Variants in GLI2 observed in about 807,000 individuals in gnomAD.
The protein encoded by GLI2 is transcription activator GLI2.
GLI2 carries 22 observed loss-of-function variants against 78.9 expected under a neutral mutation model. The ratio of observed to expected loss-of-function variants is 0.28; its 90% confidence interval spans 0.20 to 0.40. GLI2 has a LOEUF of 0.40. Ranked by LOEUF, GLI2 falls within the 10% of genes least tolerant of loss-of-function variation. The pLI is 1.00. For synonymous variants in GLI2, 974 were observed against 963.7 expected (o/e 1.01, Z -0.20); for missense variants, 2,097 against 2,213.2 (o/e 0.95, Z 1.05).
In GLI2 at chr2:120,992,585, T is replaced by C. The variant is rs565898553; in HGVS notation, c.*1910T>C. ...TGGTGCATTCGAGCAGAAATTAGGC[T>C]GTATTTTTTCTTAACAGTGTCAAAA... is the stretch of plus-strand genomic sequence containing the variant. On this transcript the variant is annotated 3_prime_UTR_variant, in exon 14 of 14. Coordinates refer to ENST00000361492, the MANE Select transcript of GLI2 (RefSeq NM_001374353.1). 6.6e-6 allele frequency: 1 copy of C among 152,364 alleles called. No homozygotes were observed. Among genetic ancestry groups the C allele is most frequent in the African/African-American group, 2.4e-5 (1 of 41,590 alleles). 9.4% of individuals were successfully genotyped at this position (152,364 alleles called of 1,614,324 possible).
intron 13 of GLI2, among the ~76,000 whole-genome samples, 156 bp from the exon 14 acceptor site, chr2:120,988,052 T>TA (rs1251686848): frequency 1.3e-5 from 2 of 152,134 alleles, no homozygotes; most frequent in Admixed American, 6.5e-5. Context: ...ATCCTGTCTC[T>TA]AAAAAGAGAA....
At chr2:120,846,195 C>T (rs1229189250) in intron 2 of GLI2, among the ~76,000 whole-genome samples, 1 of 152,192 alleles carries the variant, frequency 6.6e-6, no homozygotes, top group Non-Finnish European at 1.5e-5. Flanking sequence ...TCAAAGCCAC[C>T]CAATTGGGGT....
chr2:120,902,802 A>C (rs991627280), intron 2 of GLI2, among the ~76,000 whole-genome samples: 9 of 152,208 alleles, frequency 5.9e-5, no homozygotes, highest in African/African-American at 2.2e-4. Flanking sequence ...GCATGCATGC[A>C]TTTCAAAGGA....
At chr2:120,898,457 G>C (rs1678088364) in intron 2 of GLI2, among the ~76,000 whole-genome samples, 1 of 152,158 alleles carries the variant, frequency 6.6e-6, no homozygotes, top group Non-Finnish European at 1.5e-5. Context: ...GATTCGCACT[G>C]AATTGGGGTG....
At chr2:120,936,252 T>A (rs1267383037) in intron 3 of GLI2, among the ~76,000 whole-genome samples, 5 of 152,134 alleles carry the variant, frequency 3.3e-5, no homozygotes, top group Non-Finnish European at 5.9e-5. Flanking sequence ...CATGTGAAAC[T>A]GTTGTGAGGA....
chr2:120,776,747 GC>G (rs1683687192), intron 1 of GLI2, among the ~76,000 whole-genome samples: 1 of 152,232 alleles, frequency 6.6e-6, no homozygotes. Context: ...GAGGCCTGGG[GC>G]TGAGCCGGGG....
At chr2:120,770,788 G>A (rs1683498972) in intron 1 of GLI2, among the ~76,000 whole-genome samples, 1 of 152,172 alleles carries the variant, frequency 6.6e-6, no homozygotes, top group African/African-American at 2.4e-5. Context: ...CCTGTTGGGT[G>A]TTCTCAAACT....
intron 1 of GLI2, among the ~76,000 whole-genome samples, chr2:120,785,023 AACGTCGAGC>A: frequency 6.6e-6 from 1 of 152,136 alleles, no homozygotes; most frequent in African/African-American, 2.4e-5. Flanking sequence ...CCAAATAAAG[AACGTCGAGC>A]TTGTCTCAAG....
chr2:120,767,102 C>G (rs116479245), intron 1 of GLI2, among the ~76,000 whole-genome samples: 3,881 of 152,322 alleles, frequency 0.025, 82 homozygotes, highest in Non-Finnish European at 0.04. Flanking sequence ...AGACATACAG[C>G]AGGCTCTAAC....
At chr2:120,806,979 AG>A (rs1684986531) in intron 2 of GLI2, among the ~76,000 whole-genome samples, 1 of 152,206 alleles carries the variant, frequency 6.6e-6, no homozygotes, top group Admixed American at 6.5e-5. Context: ...GCAGTGATCC[AG>A]GAAAACATTA....
intron 2 of GLI2, among the ~76,000 whole-genome samples, chr2:120,904,979 A>G (rs1678449312): frequency 6.6e-6 from 1 of 152,198 alleles, no homozygotes; most frequent in Admixed American, 6.5e-5. Context: ...ATTAAAGTTT[A>G]TCGTTGCCAC....
At chr2:120,896,655 A>ACACACATAC (rs1558865523) in intron 2 of GLI2, among the ~76,000 whole-genome samples, 1 of 58,108 alleles carries the variant, frequency 1.7e-5, no homozygotes. Context: ...ACACACACAC[A>ACACACATAC]CACACATACA....
chr2:120,929,129 G>A (rs550566323), intron 3 of GLI2, among the ~76,000 whole-genome samples: 1 of 152,304 alleles, frequency 6.6e-6, no homozygotes, highest in East Asian at 1.9e-4. Flanking sequence ...TTGCCTGATT[G>A]ATGCTGTTTC....
chr2:120,988,440 C>T lies in GLI2; in HGVS notation c.2475C>T (p.Gly825=), dbSNP rs991845427. Residue 825 remains glycine, a synonymous_variant, in exon 14 of 14, where the codon GGC becomes GGT. Coordinates refer to ENST00000361492, the MANE Select transcript of GLI2 (RefSeq NM_001374353.1). ...GCTCCAGCGAGGCCTCGCCCCTGGGCGCCGGCCGCCCGCACAACGCGAGCT... is the reference window on the plus strand; with the variant it reads ...GCTCCAGCGAGGCCTCGCCCCTGGGTGCCGGCCGCCCGCACAACGCGAGCT... ...SRRSSEASPL[G]AGRPHNASSA... is the part of the protein sequence containing the mutation. 2 of 1,573,014 alleles carry T rather than the reference C, an allele frequency of 1.3e-6. No homozygotes were observed. The highest frequency in any genetic ancestry group is 4.7e-5 in the East Asian group (2 of 42,324).
chr2:120,951,250 G>T lies in GLI2; in HGVS notation c.262G>T (p.Ala88Ser). 6.2e-7 allele frequency: 1 copy of T among 1,604,310 alleles called. No individual in the cohort carries two copies. The highest frequency in any genetic ancestry group is 8.5e-7 in the Non-Finnish European group (1 of 1,171,290). The change falls in exon 4 of 14, where the codon GCC becomes TCC. Residue 88 changes from alanine to serine, a missense_variant. By Grantham distance (99) the Ala-to-Ser change is moderately conservative. Coordinates refer to ENST00000361492, the MANE Select transcript of GLI2 (RefSeq NM_001374353.1). Reference protein sequence around the residue: ...HSVHGVHGPPALSGSPVISDI... With the variant: ...HSVHGVHGPPSLSGSPVISDI... ...TGCCCATTGTCTCTGCAGGCCCCCT[G>T]CCCTCAGCGGCAGCCCTGTCATCTC... is the stretch of plus-strand genomic sequence containing the variant.
rs370990735 is a variant in GLI2, at chr2:120,912,458, C to T, written c.149-14903C>T. Among the ~76,000 whole-genome samples, 147 of 152,176 alleles carry T rather than the reference C, an allele frequency of 9.7e-4. 1 individual carries two copies. Among genetic ancestry groups the T allele is most frequent in the Non-Finnish European group, 1.7e-3 (119 of 68,012 alleles). ...AAAATAGGGGAGCAGGCTCTTCCCA[C>T]GGATTCATGGACTGGCCTCCAGTCC... On this transcript the variant is annotated intron_variant, in intron 2 of 13. Transcript: ENST00000361492.
intron 3 of GLI2, among the ~76,000 whole-genome samples, chr2:120,933,526 A>T (rs1482035565): frequency 4.6e-5 from 7 of 152,158 alleles, no homozygotes; most frequent in Non-Finnish European, 1.0e-4. Context: ...ATAGGGCCAC[A>T]CACCCCCAGC....
At position 120,871,496 on chromosome 2, in the gene GLI2, C is replaced by T. The variant is rs908432007; in HGVS notation, c.149-55865C>T. On this transcript the variant is annotated intron_variant, in intron 2 of 13. Transcript: ENST00000361492. Reference sequence around the variant, plus strand: ...CTGTCCTGACACCTGGCTGGCCACACCCAGACCAGGACAGAACTTTGCTTT... The same window carrying T: ...CTGTCCTGACACCTGGCTGGCCACATCCAGACCAGGACAGAACTTTGCTTT... Among the ~76,000 whole-genome samples, 29 of 152,250 alleles carry T rather than the reference C, an allele frequency of 1.9e-4. 1 individual carries two copies. Among genetic ancestry groups the T allele is most frequent in the Admixed American group, 1.2e-3 (18 of 15,284 alleles).
rs56365654 is a variant in GLI2 at position 120,983,937 on chromosome 2, G to GGT, written c.1633-528_1633-527dup. 3.4e-3 allele frequency among the ~76,000 whole-genome samples: 424 copies of GGT among 124,626 alleles called. 1 individual carries two copies. Among genetic ancestry groups the GGT allele is most frequent in the African/African-American group, 4.6e-3 (162 of 35,110 alleles). The allele number at this position is 124,626 out of a possible 152,430, so 81.8% of individuals were successfully genotyped here. A position where few individuals can be genotyped will look rare whatever the true frequency, so the allele number is the denominator to read the frequency against. On this transcript the variant is annotated intron_variant, in intron 11 of 13. Coordinates refer to ENST00000361492, the MANE Select transcript of GLI2 (RefSeq NM_001374353.1). The stretch of plus-strand genomic sequence containing the variant: ...TAAGTGTATGTTTTTCTGTAGACGT[G>GGT]GTGTGTGGGGTGTGTGTGTGTGTGT...
Sources: allele counts gnomAD v4.1 joint callset (sites outside exome capture counted in the v4.1 genomes callset), GRCh38; gene constraint gnomAD v4.1.1; transcripts MANE v1.5; gene names NCBI Gene and HGNC (gene_info 2026-07-23, HGNC 2026-07-21).